SNX14: variants seen among roughly 807,000 people sequenced by gnomAD.
SNX14 encodes the protein sorting nexin-14.
SNX14 carries 93 observed loss-of-function variants against 133.8 expected under a neutral mutation model. The ratio of observed to expected loss-of-function variants is 0.70; its 90% confidence interval spans 0.59 to 0.83. The LOEUF is 0.83. Among genes scored for constraint, SNX14 ranks in the 40% least tolerant of loss-of-function variants. The pLI, the probability that SNX14 is intolerant of heterozygous loss-of-function variation, is 0.00. For synonymous variants in SNX14, 368 were observed against 365.6 expected (o/e 1.01, Z -0.07); for missense variants, 945 against 1,094.9 (o/e 0.86, Z 1.93).
At chr6:85,558,167 C>T (rs369941139) in intron 6 of SNX14, 107 bp from the exon 7 acceptor site, 2 of 616,224 alleles carry the variant, frequency 3.2e-6, no homozygotes, top group African/African-American at 3.8e-5. Context: ...TAGAAGTATT[C>T]AGAATCTTTC....
intron 18 of SNX14, among the ~76,000 whole-genome samples, chr6:85,531,813 G>C (rs574775696): frequency 4.9e-4 from 74 of 152,098 alleles, no homozygotes; most frequent in Non-Finnish European, 8.5e-4. Context: ...ACCGCTTTGA[G>C]CCCAGGAGTT....
chr6:85,510,535 TC>T (rs1772423532), intron 26 of SNX14, among the ~76,000 whole-genome samples: 1 of 152,234 alleles, frequency 6.6e-6, no homozygotes, highest in Non-Finnish European at 1.5e-5. Context: ...ATCTGATACG[TC>T]TTTTGCAAAT....
rs758647589 is a variant in SNX14 at position 85,533,804 on chromosome 6, G to GA, written c.1609-5dup. 1.6e-5 allele frequency: 25 copies of GA among 1,606,350 alleles called. No homozygotes were observed. Among genetic ancestry groups the GA allele is most frequent in the Non-Finnish European group, 2.0e-5 (24 of 1,177,922 alleles). On this transcript the variant is annotated splice_polypyrimidine_tract_variant and splice_region_variant and intron_variant, in intron 17 of 28. Transcript: ENST00000314673. ...TTACAACAATACCTTCTTCAATCTGGAAAAAAATTACCAGGATGAATTTAA... is the reference window on the plus strand; with the variant it reads ...TTACAACAATACCTTCTTCAATCTGGAAAAAAAATTACCAGGATGAATTTAA...
chr6:85,515,539 A>G (rs1393523631), intron 23 of SNX14, among the ~76,000 whole-genome samples: 1 of 152,076 alleles, frequency 6.6e-6, no homozygotes, highest in Non-Finnish European at 1.5e-5. Context: ...GAAGAGAAGT[A>G]AGGAGACTGT....
chr6:85,557,208 C>A (rs1161275851), intron 7 of SNX14, among the ~76,000 whole-genome samples: 1 of 152,122 alleles, frequency 6.6e-6, no homozygotes, highest in African/African-American at 2.4e-5. Context: ...AAAAAGAATA[C>A]CAAATGCGAA....
At chr6:85,530,134 T>C (rs1779761739) in intron 19 of SNX14, 58 bp downstream of exon 19, 1 of 1,026,958 alleles carries the variant, frequency 9.7e-7, no homozygotes, top group South Asian at 1.5e-5. Flanking sequence ...TCTGGTGTCA[T>C]AGTTTTAAAG....
intron 5 of SNX14, among the ~76,000 whole-genome samples, chr6:85,566,822 C>T (rs538157074): frequency 1.5e-4 from 23 of 151,912 alleles, no homozygotes; most frequent in Non-Finnish European, 2.5e-4. Context: ...ATATATTAAA[C>T]ACATGATGCT....
At position 85,534,186 on chromosome 6, in the gene SNX14, C is replaced by T. The variant is rs540942776; in HGVS notation, c.1609-386G>A. Among the ~76,000 whole-genome samples, 233 of 152,270 alleles carry T rather than the reference C, an allele frequency of 1.5e-3. 1 individual carries two copies. The highest frequency in any genetic ancestry group is 5.1e-3 in the African/African-American group (212 of 41,548). ...AAGGGTTCTGAAAGATAATGTCAGG[C>T]TGGGCGCATTGGCTTTCACCTGTAA... On this transcript the variant is annotated intron_variant, in intron 17 of 28. Transcript: ENST00000314673.
At chr6:85,535,907 C>T (rs1293651005) in intron 17 of SNX14, among the ~76,000 whole-genome samples, 1 of 152,072 alleles carries the variant, frequency 6.6e-6, no homozygotes, top group Non-Finnish European at 1.5e-5. Flanking sequence ...CCGAGGTCTA[C>T]GTCTTAATCA....
intron 5 of SNX14, 79 bp downstream of exon 5, chr6:85,567,455 G>C: frequency 9.3e-7 from 1 of 1,070,082 alleles, no homozygotes; most frequent in Non-Finnish European, 1.3e-6. Flanking sequence ...TGGTCTACAT[G>C]AAAAACATGT....
chr6:85,519,869 A>AAAAAC (rs547267611), intron 21 of SNX14, among the ~76,000 whole-genome samples: 9 of 152,080 alleles, frequency 5.9e-5, no homozygotes, highest in South Asian at 4.2e-4. Flanking sequence ...CTCCGTCTCA[A>AAAAAC]AAAACAAAAC....
intron 20 of SNX14, among the ~76,000 whole-genome samples, chr6:85,527,337 A>G (rs1778814917): frequency 6.6e-6 from 1 of 151,958 alleles, no homozygotes; most frequent in African/African-American, 2.4e-5. Context: ...GTTAATTATT[A>G]TTTCATATTT....
intron 7 of SNX14, among the ~76,000 whole-genome samples, chr6:85,550,828 G>C (rs13214633): frequency 6.6e-6 from 1 of 151,506 alleles, no homozygotes; most frequent in East Asian, 1.9e-4. Context: ...TTATCCCCCA[G>C]GCTGGAACGC....
chr6:85,592,681 G>C (rs1803176127), intron 1 of SNX14, among the ~76,000 whole-genome samples: 1 of 152,114 alleles, frequency 6.6e-6, no homozygotes, highest in Admixed American at 6.5e-5. Flanking sequence ...GTGGCATCAA[G>C]TCCTCTTAAG....
chr6:85,507,995 G>A lies in SNX14; in HGVS notation c.2718C>T (p.Gly906=). The part of the protein sequence containing the change: ...KYESIRLLFD[G]LQQPVLNKQL... ...GCTTGTTGAGTACTGGTTGCTGTAAGCCATCAAACAGAAGTCTGATGCTTT... is the reference window on the plus strand; with the variant it reads ...GCTTGTTGAGTACTGGTTGCTGTAAACCATCAAACAGAAGTCTGATGCTTT... Residue 906 remains glycine, a synonymous_variant, in exon 27 of 29, where the codon GGC becomes GGT. Coordinates refer to ENST00000314673, the MANE Select transcript of SNX14 (RefSeq NM_153816.6). 1 of 1,613,440 alleles carries A rather than the reference G, an allele frequency of 6.2e-7. No homozygotes were observed. Among genetic ancestry groups the A allele is most frequent in the Non-Finnish European group, 8.5e-7 (1 of 1,179,626 alleles).
intron 23 of SNX14, among the ~76,000 whole-genome samples, chr6:85,516,635 T>TC (rs1775103586): frequency 8.9e-6 from 1 of 112,676 alleles, no homozygotes; most frequent in African/African-American, 4.8e-5. Flanking sequence ...CCTTAATCTT[T>TC]TTTTTTTTTT....
intron 6 of SNX14, among the ~76,000 whole-genome samples, chr6:85,564,481 G>C (rs1370180711): frequency 2.0e-5 from 3 of 152,150 alleles, no homozygotes; most frequent in Non-Finnish European, 2.9e-5. Flanking sequence ...GTGTGAGATG[G>C]TACCTCATTG....
intron 12 of SNX14, among the ~76,000 whole-genome samples, chr6:85,544,546 C>G (rs139218639): frequency 0.012 from 1,758 of 152,258 alleles, 12 homozygotes; most frequent in Middle Eastern, 0.027. Flanking sequence ...TGCCTGTAAT[C>G]CCAGCACTTT....
intron 5 of SNX14, 28 bp downstream of exon 5, chr6:85,567,505 GA>G: frequency 6.8e-6 from 10 of 1,477,958 alleles, no homozygotes; most frequent in Admixed American, 5.0e-5. Context: ...CTGTATCACA[GA>G]AAAAAAGATC....
Sources: allele counts gnomAD v4.1 joint callset (sites outside exome capture counted in the v4.1 genomes callset), GRCh38; gene constraint gnomAD v4.1.1; transcripts MANE v1.5; gene names NCBI Gene and HGNC (gene_info 2026-07-23, HGNC 2026-07-21).